IPO5: variants seen among roughly 807,000 people sequenced by gnomAD.
IPO5 encodes the protein importin 5, also known as importin-5.
Under a neutral mutation model 143.3 loss-of-function variants are expected in IPO5, and 18 were observed. The observed-to-expected ratio is 0.13, with a 90% CI of 0.09 to 0.19. The LOEUF (loss-of-function observed/expected upper bound fraction) is 0.19. Ranked by LOEUF, IPO5 falls within the 10% of genes least tolerant of loss-of-function variation. IPO5 has a pLI of 1.00. For missense variants in IPO5, 1,013 were observed against 1,336.9 expected, an observed-to-expected ratio of 0.76 and a Z score of 3.78; for synonymous variants, 477 against 465.7, an observed-to-expected ratio of 1.02 and a Z score of -0.31.
intron 2 of IPO5, among the ~76,000 whole-genome samples, chr13:97,966,133 CAAAAAAA>C (rs34256210): frequency 5.7e-4 from 51 of 89,292 alleles, no homozygotes; most frequent in South Asian, 1.0e-3. Flanking sequence ...GGCCCCCTCT[CAAAAAAA>C]AAAAAAAAAA....
In IPO5 at chr13:98,019,813, G is replaced by A; in HGVS notation, c.3065+4G>A. 1 of 1,587,484 alleles carries A rather than the reference G, an allele frequency of 6.3e-7. No individual in the cohort carries two copies. The highest frequency in any genetic ancestry group is 8.7e-7 in the Non-Finnish European group (1 of 1,156,058). On this transcript the variant is annotated splice_donor_region_variant and intron_variant, in intron 27 of 28. Transcript: ENST00000651721. ...ATCTGTGTGACCTGATTGAAAGGTA[G>A]GAAAGCAGACTGTGACCTTATTTCC...
At chr13:97,979,174 T>C (rs758923504) in intron 4 of IPO5, among the ~76,000 whole-genome samples, 5 of 152,146 alleles carry the variant, frequency 3.3e-5, no homozygotes, top group South Asian at 4.1e-4. Flanking sequence ...ACAGCAAATA[T>C]AGAAATATTT....
At position 97,954,820 on chromosome 13, in the gene IPO5, G is replaced by A. The variant is rs564875637; in HGVS notation, c.-113+622G>A. ...ACAGTTTTGCTTTCTTCCGTCATTT[G>A]TCTGTGATGGAACCTCAAAGACACT... On this transcript the variant is annotated intron_variant, in intron 2 of 28. Coordinates refer to ENST00000651721, the MANE Select transcript of IPO5 (RefSeq NM_002271.6). Among the ~76,000 whole-genome samples, 138 of 152,110 alleles carry A rather than the reference G, an allele frequency of 9.1e-4. 1 individual carries two copies. Among genetic ancestry groups the A allele is most frequent in the Non-Finnish European group, 1.4e-3 (94 of 68,016 alleles).
intron 20 of IPO5, 127 bp from the exon 21 acceptor site, chr13:98,012,119 A>G (rs545909366): frequency 1.8e-5 from 11 of 627,812 alleles, no homozygotes; most frequent in East Asian, 1.6e-4. Flanking sequence ...ACAGTTCTAC[A>G]TGCAACTTTA....
Position 98,018,689 on chromosome 13 carries a change from C to T in IPO5, c.2821C>T (p.Arg941Cys), listed in dbSNP as rs187636041. 1.4e-5 allele frequency: 22 copies of T among 1,613,796 alleles called. No individual in the cohort carries two copies. Among genetic ancestry groups the T allele is most frequent in the African/African-American group, 5.3e-5 (4 of 75,036 alleles). ...GGCACAGTACGGTGGAGATAATTATCGCCCTTTTTGTACAGGTACGTTTGC... is the reference window on the plus strand; with the variant it reads ...GGCACAGTACGGTGGAGATAATTATTGCCCTTTTTGTACAGGTACGTTTGC... The part of the protein sequence containing the change: ...VMAQYGGDNY[R>C]PFCTEALPLL... The change falls in exon 26 of 29, where the codon CGC (arginine) becomes TGC (cysteine). Residue 941 changes from arginine to cysteine, a missense_variant. This residue lies in a region of IPO5 where 685 missense variants were observed against 994.9 expected (regional missense o/e 0.69). Transcript: ENST00000651721.
In IPO5 at chr13:97,997,608, G is replaced by A. The variant is rs762126244; in HGVS notation, c.991G>A (p.Asp331Asn). 2 of 1,603,346 alleles carry A rather than the reference G, an allele frequency of 1.2e-6. No homozygotes were observed. Among genetic ancestry groups the A allele is most frequent in the Non-Finnish European group, 8.5e-7 (1 of 1,170,954 alleles). The change falls in exon 12 of 29, where the codon GAT becomes AAT. Residue 331 changes from aspartate to asparagine, a missense_variant. By Grantham distance (23) the Asp-to-Asn change is conservative. Around this residue, in one of 2 missense-constraint regions of IPO5, gnomAD observed 685 missense variants for 994.9 expected, o/e 0.69. Transcript: ENST00000651721. Reference sequence around the variant, plus strand: ...AAATGCAGATGAACTAGAAGATGATGATTTTGACAGGTAATCAAACATTGT... The same window carrying A: ...AAATGCAGATGAACTAGAAGATGATAATTTTGACAGGTAATCAAACATTGT... ...WANADELEDD[D>N]FDSNAVAGES...
At position 98,006,181 on chromosome 13, in the gene IPO5, G is replaced by A; in HGVS notation, c.1549G>A (p.Ala517Thr). Residue 517 changes from alanine to threonine, a missense_variant, in exon 17 of 29, where the codon GCA becomes ACA. Ala to Thr is a moderately conservative substitution (Grantham distance 58). Coordinates refer to ENST00000651721, the MANE Select transcript of IPO5 (RefSeq NM_002271.6). ...TTTGGAACAAGTTGTGACATCCATTGCATCAGTTGCCGATACTGCAGAAGA... is the reference window on the plus strand; with the variant it reads ...TTTGGAACAAGTTGTGACATCCATTACATCAGTTGCCGATACTGCAGAAGA... ...LVLEQVVTSI[A>T]SVADTAEEKF... 1 of 1,613,830 alleles carries A rather than the reference G, an allele frequency of 6.2e-7. No homozygotes were observed. Among genetic ancestry groups the A allele is most frequent in the Non-Finnish European group, 8.5e-7 (1 of 1,179,916 alleles).
At chr13:98,008,268 A>G in intron 18 of IPO5, 126 bp downstream of exon 18, 3 of 588,058 alleles carry the variant, frequency 5.1e-6, no homozygotes, top group Non-Finnish European at 9.1e-6. Flanking sequence ...TAGCAGAGAC[A>G]TTCTTCACTG....
At chr13:98,009,754 C>T (rs1456021961) in intron 18 of IPO5, 127 bp from the exon 19 acceptor site, 2 of 711,832 alleles carry the variant, frequency 2.8e-6, no homozygotes, top group African/African-American at 3.6e-5. Flanking sequence ...TTTAGAAATG[C>T]TCTTACTGCT....
intron 3 of IPO5, among the ~76,000 whole-genome samples, chr13:97,973,674 C>G (rs762342652): frequency 6.6e-6 from 1 of 152,184 alleles, no homozygotes; most frequent in Non-Finnish European, 1.5e-5. Context: ...TAAGGCTGGG[C>G]TGTGATTTCG....
At chr13:97,960,044 C>A (rs1178524908) in intron 2 of IPO5, 1 of 152,162 alleles carries the variant, frequency 6.6e-6, no homozygotes, top group Non-Finnish European at 1.5e-5. Context: ...TCAAGCAGTA[C>A]TACACATAGG....
At chr13:97,974,257 C>T (rs1402611498) in intron 3 of IPO5, among the ~76,000 whole-genome samples, 2 of 151,884 alleles carry the variant, frequency 1.3e-5, no homozygotes, top group African/African-American at 2.4e-5. Flanking sequence ...AGCAATTTAT[C>T]ATATTTCACT....
intron 25 of IPO5, among the ~76,000 whole-genome samples, chr13:98,017,869 A>G (rs1428960448): frequency 1.3e-5 from 2 of 151,892 alleles, no homozygotes; most frequent in East Asian, 1.9e-4. Flanking sequence ...GGGTTTCACC[A>G]TATCGGCCAG....
chr13:98,012,007 C>G (rs927706253), intron 20 of IPO5, among the ~76,000 whole-genome samples: 1 of 151,660 alleles, frequency 6.6e-6, no homozygotes, highest in Non-Finnish European at 1.5e-5. Flanking sequence ...ACAATATATA[C>G]GACAATAATT....
chr13:97,990,407 T>C (rs1415070552), intron 8 of IPO5, 26 bp from the exon 9 acceptor site: 1 of 1,511,092 alleles, frequency 6.6e-7, no homozygotes, highest in Non-Finnish European at 9.1e-7. Flanking sequence ...TTTCTCATGT[T>C]TGACATTTTT....
In IPO5 at chr13:97,975,488, C is replaced by T. The variant is rs148972954; in HGVS notation, c.-4-1205C>T. On this transcript the variant is annotated intron_variant, in intron 3 of 28. Coordinates refer to ENST00000651721, the MANE Select transcript of IPO5 (RefSeq NM_002271.6). ...CCTAGGCGACAGAGCAAGGCTTCCA[C>T]TGACACCCTTAGCCCAATGTATTGG... 722 of 152,444 alleles carry T rather than the reference C, an allele frequency of 4.7e-3. 6 individuals are homozygous for T. The highest frequency in any genetic ancestry group is 0.011 in the Admixed American group (171 of 15,308). 9.4% of individuals were successfully genotyped at this position (152,444 alleles called of 1,614,324 possible).
At chr13:97,974,570 A>G (rs1886103006) in intron 3 of IPO5, among the ~76,000 whole-genome samples, 1 of 151,886 alleles carries the variant, frequency 6.6e-6, no homozygotes, top group Admixed American at 6.6e-5. Flanking sequence ...TCGGCCCCCC[A>G]AAGTGCTGGG....
intron 13 of IPO5, chr13:98,000,966 T>C: frequency 3.7e-6 from 1 of 268,612 alleles, no homozygotes. Context: ...TCTAATGTTA[T>C]CAAAAGAGAA....
chr13:97,975,646 G>A (rs1391194204), intron 3 of IPO5: 2 of 152,234 alleles, frequency 1.3e-5, no homozygotes, highest in African/African-American at 4.8e-5. Context: ...ACGCCTCTAG[G>A]TTCCTAGACT....
Sources: gnomAD v4.1 joint callset for allele counts (sites outside exome capture counted in the v4.1 genomes callset) on GRCh38, gnomAD v4.1.1 for gene constraint, gnomAD v4.1.1 regional missense constraint, MANE v1.5 for transcripts, NCBI Gene and HGNC (gene_info 2026-07-23, HGNC 2026-07-21) for gene names.